SSX2IP: variants seen among roughly 807,000 people sequenced by gnomAD.
SSX2IP encodes SSX family member 2 interacting protein.
In SSX2IP, 55 loss-of-function variants were observed where a neutral mutation model predicts 84.9. The ratio of observed to expected loss-of-function variants is 0.65; its 90% confidence interval spans 0.52 to 0.81. The LOEUF (loss-of-function observed/expected upper bound fraction) is 0.81. Ranked by LOEUF, SSX2IP falls within the 30% of genes least tolerant of loss-of-function variation. The pLI, the probability that SSX2IP is intolerant of heterozygous loss-of-function variation, is 0.00. For synonymous variants in SSX2IP, 239 were observed against 234.7 expected (o/e 1.02, Z -0.17); for missense variants, 664 against 705.2 (o/e 0.94, Z 0.66).
Position 84,670,677 on chromosome 1 carries a change from T to A in SSX2IP, c.182A>T (p.Asn61Ile). ...AAGATATGAGATACTCTGTTCAATA[T>A]TATCTTCTGTGCAGAAGGCACTGAA... ...SFFSAFCTED[N>I]IEQSISYLDQ... The change falls in exon 3 of 14, where the codon AAT becomes ATT. Residue 61 changes from asparagine (N) to isoleucine (I), a missense_variant. Physicochemically the swap from Asn to Ile is moderately radical, Grantham distance 149. Coordinates refer to ENST00000342203, the MANE Select transcript of SSX2IP (RefSeq NM_001166293.2). The A allele has an allele frequency of 1.2e-6, 2 of 1,611,416 alleles. No individual in the cohort carries two copies. Among genetic ancestry groups the A allele is most frequent in the Non-Finnish European group, 1.7e-6 (2 of 1,178,564 alleles).
chr1:84,651,774 C>T (rs185854293), intron 12 of SSX2IP, 109 bp downstream of exon 12: 17 of 671,364 alleles, frequency 2.5e-5, no homozygotes, highest in Non-Finnish European at 3.9e-5. Flanking sequence ...TTAGAGAGCT[C>T]TAATTGGTGA....
intron 9 of SSX2IP, 91 bp downstream of exon 9, chr1:84,658,227 C>A (rs1651412557): frequency 1.4e-6 from 2 of 1,445,622 alleles, no homozygotes; most frequent in African/African-American, 1.4e-5. Context: ...TACTTTAGCT[C>A]TGAGCCTATA....
At chr1:84,690,694 AAAG>A (rs1303044255), upstream of SSX2IP, 10 of 152,112 alleles carry the variant, frequency 6.6e-5, no homozygotes, top group East Asian at 1.2e-3. Flanking sequence ...ACCCGGAGAA[AAAG>A]AAGACCTTAT....
At chr1:84,668,872 G>C (rs1228310738) in intron 4 of SSX2IP, among the ~76,000 whole-genome samples, 1 of 152,002 alleles carries the variant, frequency 6.6e-6, no homozygotes, top group Non-Finnish European at 1.5e-5. Flanking sequence ...CTGATCATCT[G>C]ACAGTATGCA....
rs188252948 is a variant in SSX2IP at position 84,681,167 on chromosome 1, T to C, written c.-90+9204A>G. 4.3e-3 allele frequency among the ~76,000 whole-genome samples: 652 copies of C among 152,298 alleles called. 10 individuals are homozygous for C. Among genetic ancestry groups the C allele is most frequent in the East Asian group, 1.7e-3 (9 of 5,188 alleles). ...GGGCAATTCCAACAGTATACAAATA[T>C]TTGAAATGTGTAAATCTTTCCACTA... is the stretch of plus-strand genomic sequence containing the variant. On this transcript the variant is annotated intron_variant, in intron 1 of 13. Coordinates refer to ENST00000342203, the MANE Select transcript of SSX2IP (RefSeq NM_001166293.2).
chr1:84,659,427 G>A (rs1300595308), intron 8 of SSX2IP, among the ~76,000 whole-genome samples: 5 of 152,172 alleles, frequency 3.3e-5, no homozygotes, highest in Admixed American at 3.3e-4. Context: ...AAAGCTACTT[G>A]CCAGTAACTC....
At chr1:84,684,725 C>A (rs758093023) in intron 1 of SSX2IP, among the ~76,000 whole-genome samples, 4 of 151,982 alleles carry the variant, frequency 2.6e-5, no homozygotes, top group Non-Finnish European at 5.9e-5. Flanking sequence ...AACCCATATA[C>A]CACCAACAGG....
chr1:84,669,841 T>A lies in SSX2IP; in HGVS notation c.266A>T (p.Glu89Val), dbSNP rs1553130516. The change falls in exon 4 of 14, where the codon GAG becomes GTG. Residue 89 changes from glutamate to valine, a missense_variant. Physicochemically the swap from Glu to Val is moderately radical, Grantham distance 121. Transcript: ENST00000342203. ...PSLYEESKGK[E>V]TKRELNIVAV... is the part of the protein sequence containing the mutation. ...TACTATATTTAACTCTCTCTTTGTC[T>A]CTTTACCTTTGGATTCTTCATATAA... 5 of 1,613,562 alleles carry A rather than the reference T, an allele frequency of 3.1e-6. No individual in the cohort carries two copies.
Position 84,664,521 on chromosome 1 carries a change from C to T in SSX2IP, c.569G>A (p.Arg190Gln), listed in dbSNP as rs1263681340. The T allele has an allele frequency of 2.5e-6, 4 of 1,582,948 alleles. No homozygotes were observed. Among genetic ancestry groups the T allele is most frequent in the Admixed American group, 3.7e-5 (2 of 54,096 alleles). The change falls in exon 6 of 14, where the codon CGA (arginine) becomes CAA (glutamine). Residue 190 changes from arginine (R) to glutamine (Q), a missense_variant. Physicochemically the swap from Arg to Gln is conservative, Grantham distance 43 (BLOSUM62 1). Transcript: ENST00000342203. ...VQKLQNIIAS[R>Q]ATQYNHDMKR... ...CATATCATGATTATACTGAGTAGCT[C>T]GACTTGCAATGATATTTTGTAATTT...
chr1:84,671,107 T>C, intron 2 of SSX2IP, 70 bp downstream of exon 2: 1 of 1,548,762 alleles, frequency 6.5e-7, no homozygotes, highest in Admixed American at 1.9e-5. Context: ...CAGTAATTAT[T>C]TTATATTTTC....
At chr1:84,673,589 C>T (rs1171806902) in intron 1 of SSX2IP, among the ~76,000 whole-genome samples, 1 of 152,098 alleles carries the variant, frequency 6.6e-6, no homozygotes, top group Non-Finnish European at 1.5e-5. Context: ...TATAGGTAGG[C>T]AATTGTAGAA....
rs1280040497 is a variant in SSX2IP, at chr1:84,669,673, A to G, written c.426+8T>C. On this transcript the variant is annotated splice_region_variant and intron_variant, in intron 4 of 13. Transcript: ENST00000342203. Reference sequence around the variant, plus strand: ...TATGGCATTAAAATATGGATCTGCAATTTCTACCTTAAGTTTTGAGTAGCA... The same window carrying G: ...TATGGCATTAAAATATGGATCTGCAGTTTCTACCTTAAGTTTTGAGTAGCA... 6.2e-7 allele frequency: 1 copy of G among 1,609,772 alleles called. No individual in the cohort carries two copies. Among genetic ancestry groups the G allele is most frequent in the South Asian group, 1.1e-5 (1 of 90,790 alleles).
chr1:84,646,892 G>T lies in SSX2IP; in HGVS notation c.*541C>A, dbSNP rs546774195. On this transcript the variant is annotated 3_prime_UTR_variant, in exon 14 of 14. Coordinates refer to ENST00000342203, the MANE Select transcript of SSX2IP (RefSeq NM_001166293.2). ...TGAAATACTATACTTATGGTTGTGT[G>T]AAACTTTTAAATCTTAAAGCCTCTT... is the stretch of plus-strand genomic sequence containing the variant. The T allele has an allele frequency of 6.6e-6, 1 of 152,622 alleles. No homozygotes were observed. Among genetic ancestry groups the T allele is most frequent in the Admixed American group, 6.5e-5 (1 of 15,278 alleles). The allele number at this position is 152,622 out of a possible 1,614,324, so 9.5% of individuals were successfully genotyped here.
intron 5 of SSX2IP, 152 bp downstream of exon 5, chr1:84,665,970 A>C: frequency 1.7e-6 from 1 of 599,366 alleles, no homozygotes; most frequent in Non-Finnish European, 2.9e-6. Context: ...TTCCAGTTAA[A>C]TACTATTACA....
At chr1:84,650,168 A>T in intron 13 of SSX2IP, 194 bp downstream of exon 13, 1 of 629,254 alleles carries the variant, frequency 1.6e-6, no homozygotes, top group Non-Finnish European at 2.8e-6. Context: ...CCTGTTCACT[A>T]GTGTATTTCC....
At chr1:84,662,855 C>T (rs1193837884) in intron 6 of SSX2IP, among the ~76,000 whole-genome samples, 1 of 152,154 alleles carries the variant, frequency 6.6e-6, no homozygotes, top group Non-Finnish European at 1.5e-5. Context: ...ACAGTAAGTA[C>T]TTAATAAATG....
Position 84,666,285 on chromosome 1 carries a change from C to T in SSX2IP, c.427-53G>A. ...AAAATTAATAAAGGATTTAGAATAA[C>T]TGAATCCTTAAAATATCAGTAACAA... On this transcript the variant is annotated intron_variant, in intron 4 of 13. Coordinates refer to ENST00000342203, the MANE Select transcript of SSX2IP (RefSeq NM_001166293.2). 3.7e-6 allele frequency: 5 copies of T among 1,364,496 alleles called. No homozygotes were observed. In the South Asian group the frequency reaches 6.1e-5, roughly 17 times the overall value. 84.5% of individuals were successfully genotyped at this position (1,364,496 alleles called of 1,614,324 possible).
chr1:84,677,528 C>T (rs952141358), intron 1 of SSX2IP, among the ~76,000 whole-genome samples: 3 of 152,122 alleles, frequency 2.0e-5, no homozygotes, highest in African/African-American at 7.2e-5. Flanking sequence ...TGGACACGCT[C>T]TTGGGTTATT....
intron 4 of SSX2IP, among the ~76,000 whole-genome samples, chr1:84,666,842 C>T (rs1037158018): frequency 1.6e-4 from 24 of 152,158 alleles, no homozygotes; most frequent in Admixed American, 1.5e-3. Flanking sequence ...CTTATCGCAT[C>T]TGAGGAACTG....
Sources: gnomAD v4.1 joint callset for allele counts (sites outside exome capture counted in the v4.1 genomes callset) on GRCh38, gnomAD v4.1.1 for gene constraint, MANE v1.5 for transcripts, NCBI Gene and HGNC (gene_info 2026-07-23, HGNC 2026-07-21) for gene names.